Variants in HS6ST3 observed in about 807,000 individuals in gnomAD.
HS6ST3 encodes the protein heparan-sulfate 6-O-sulfotransferase 3.
HS6ST3 carries 12 observed loss-of-function variants against 36.7 expected under a neutral mutation model. That is an observed-to-expected ratio of 0.33 (90% confidence interval 0.21 to 0.53). HS6ST3 has a LOEUF of 0.53. HS6ST3 is among the 20% of genes least tolerant of loss of function. HS6ST3 has a pLI of 0.95. For synonymous variants in HS6ST3, 240 were observed against 257.5 expected, an observed-to-expected ratio of 0.93 and a Z score of 0.65; for missense variants, 584 against 640.9, an observed-to-expected ratio of 0.91 and a Z score of 0.96.
At chr13:96,517,401 C>A (rs1276577567) in intron 1 of HS6ST3, among the ~76,000 whole-genome samples, 4 of 152,080 alleles carry the variant, frequency 2.6e-5, no homozygotes, top group Non-Finnish European at 5.9e-5. Flanking sequence ...ACAACAAAAT[C>A]ATATGGCCAG....
chr13:96,137,266 T>C (rs1180021644), intron 1 of HS6ST3, among the ~76,000 whole-genome samples: 1 of 150,566 alleles, frequency 6.6e-6, no homozygotes, highest in Non-Finnish European at 1.5e-5. Context: ...CATGTACTAA[T>C]TTGTGTCTGA....
chr13:96,714,400 C>T (rs910021930), intron 1 of HS6ST3, among the ~76,000 whole-genome samples: 62 of 152,158 alleles, frequency 4.1e-4, no homozygotes, highest in African/African-American at 1.4e-3. Flanking sequence ...TGAAAAGATG[C>T]TCTACCTTAC....
At chr13:96,279,759 G>A (rs766043041) in intron 1 of HS6ST3, among the ~76,000 whole-genome samples, 8 of 152,088 alleles carry the variant, frequency 5.3e-5, no homozygotes, top group Non-Finnish European at 1.0e-4. Context: ...GTAGTCATTA[G>A]CATTCAGTCA....
chr13:96,664,257 T>C (rs2138426660), intron 1 of HS6ST3, among the ~76,000 whole-genome samples: 1 of 152,260 alleles, frequency 6.6e-6, no homozygotes. Context: ...ATGTAAGAAA[T>C]AAGATAATTC....
intron 1 of HS6ST3, among the ~76,000 whole-genome samples, chr13:96,589,247 T>C: frequency 6.6e-6 from 1 of 152,094 alleles, no homozygotes; most frequent in Non-Finnish European, 1.5e-5. Context: ...GTTTAAATTT[T>C]CTATTTCTTC....
intron 1 of HS6ST3, among the ~76,000 whole-genome samples, chr13:96,413,499 C>T (rs899564846): frequency 6.6e-5 from 10 of 152,064 alleles, no homozygotes; most frequent in Admixed American, 4.6e-4. Flanking sequence ...TAAGACTTTT[C>T]GAACGATTAA....
intron 1 of HS6ST3, among the ~76,000 whole-genome samples, chr13:96,380,595 T>C (rs2055336277): frequency 6.6e-6 from 1 of 152,152 alleles, no homozygotes; most frequent in Admixed American, 6.5e-5. Flanking sequence ...GACAAGTTCT[T>C]AAAGAGTATT....
rs1288073164 is a variant in HS6ST3 at position 96,834,150 on chromosome 13, G to A, written c.*952G>A. The A allele has an allele frequency of 6.6e-6, 1 of 152,048 alleles. No homozygotes were observed. The highest frequency in any genetic ancestry group is 2.4e-5 in the African/African-American group (1 of 41,372). The allele number at this position is 152,048 out of a possible 1,614,324, so 9.4% of individuals were successfully genotyped here. A position where few individuals can be genotyped will look rare whatever the true frequency, so the allele number is the denominator to read the frequency against. On this transcript the variant is annotated 3_prime_UTR_variant, in exon 2 of 2. Coordinates refer to ENST00000376705, the MANE Select transcript of HS6ST3 (RefSeq NM_153456.4). The stretch of plus-strand genomic sequence containing the variant: ...TTTGGAGAAGTTATGTTCTTTAATC[G>A]GGTACTACCAGTCTTGAAATTTTGC...
At chr13:96,565,466 C>T (rs2056277823) in intron 1 of HS6ST3, among the ~76,000 whole-genome samples, 1 of 152,040 alleles carries the variant, frequency 6.6e-6, no homozygotes, top group Admixed American at 6.6e-5. Context: ...TTTCCTACTC[C>T]ATGGCAGTGA....
chr13:96,342,091 A>G (rs1361759311), intron 1 of HS6ST3, among the ~76,000 whole-genome samples: 2 of 152,172 alleles, frequency 1.3e-5, no homozygotes, highest in Non-Finnish European at 2.9e-5. Flanking sequence ...CCACAAAAAA[A>G]AAAGTTCATT....
intron 1 of HS6ST3, among the ~76,000 whole-genome samples, chr13:96,485,039 T>C (rs781112318): frequency 5.9e-5 from 9 of 152,286 alleles, no homozygotes; most frequent in East Asian, 5.8e-4. Context: ...TTTACAGATG[T>C]GAGGTGATAT....
chr13:96,455,192 G>A (rs1344731859), intron 1 of HS6ST3, among the ~76,000 whole-genome samples: 4 of 152,068 alleles, frequency 2.6e-5, no homozygotes, highest in East Asian at 3.9e-4. Flanking sequence ...TATTAGTTGC[G>A]GAAAATAATG....
At chr13:96,675,477 G>A (rs2056696194) in intron 1 of HS6ST3, among the ~76,000 whole-genome samples, 1 of 151,982 alleles carries the variant, frequency 6.6e-6, no homozygotes. Context: ...TCAGAAGAAA[G>A]AGCATTTGGG....
chr13:96,520,552 C>T (rs1421582669), intron 1 of HS6ST3, among the ~76,000 whole-genome samples: 3 of 152,090 alleles, frequency 2.0e-5, no homozygotes, highest in Non-Finnish European at 4.4e-5. Flanking sequence ...TTGTAGTTCT[C>T]CTTGAAGAGG....
chr13:96,464,160 A>AAAAAAAAAAAAAAAAAAAAAAAC, intron 1 of HS6ST3, among the ~76,000 whole-genome samples: 1 of 149,780 alleles, frequency 6.7e-6, no homozygotes, highest in Non-Finnish European at 1.5e-5. Context: ...AAAAAAAAAA[A>AAAAAAAAAAAAAAAAAAAAAAAC]ATCAAAGATC....
At chr13:96,493,115 A>G (rs1324282220) in intron 1 of HS6ST3, among the ~76,000 whole-genome samples, 2 of 152,162 alleles carry the variant, frequency 1.3e-5, no homozygotes, top group Non-Finnish European at 2.9e-5. Context: ...GTCCTTTTTC[A>G]GAACCAGATC....
chr13:96,387,631 T>C (rs1412832181), intron 1 of HS6ST3, among the ~76,000 whole-genome samples: 4 of 152,214 alleles, frequency 2.6e-5, no homozygotes, highest in African/African-American at 7.2e-5. Context: ...TTTTGCTTTG[T>C]ACTTCATTAT....
chr13:96,217,814 TTATA>T (rs2054434546), intron 1 of HS6ST3, among the ~76,000 whole-genome samples: 1 of 152,114 alleles, frequency 6.6e-6, no homozygotes, highest in Admixed American at 6.5e-5. Context: ...GTGTATATAT[TTATA>T]TACATGTATG....
chr13:96,145,527 G>A (rs1283016029), intron 1 of HS6ST3, among the ~76,000 whole-genome samples: 3 of 151,818 alleles, frequency 2.0e-5, no homozygotes, highest in Non-Finnish European at 4.4e-5. Flanking sequence ...AAATTTGTTT[G>A]AGTTCATTGT....
Sources: gnomAD v4.1 joint callset for allele counts (sites outside exome capture counted in the v4.1 genomes callset) on GRCh38, gnomAD v4.1.1 for gene constraint, MANE v1.5 for transcripts, NCBI Gene and HGNC (gene_info 2026-07-23, HGNC 2026-07-21) for gene names.